The following PSME3IP1 variants were observed in gnomAD, a reference collection of about 807,000 sequenced individuals.
PSME3IP1 encodes PSME3-interacting protein.
In PSME3IP1, 13 loss-of-function variants were observed where a neutral mutation model predicts 34.1. The ratio of observed to expected loss-of-function variants is 0.38; its 90% CI spans 0.25 to 0.61. The LOEUF (loss-of-function observed/expected upper bound fraction) is 0.61, where lower values mean the gene tolerates loss of function less well. PSME3IP1 is among the 20% of genes least tolerant of loss of function. The pLI is 0.60. For synonymous variants in PSME3IP1, 93 were observed against 114.3 expected (o/e 0.81, Z 1.19); for missense variants, 237 against 301.4 (o/e 0.79, Z 1.58).
intron 1 of PSME3IP1, among the ~76,000 whole-genome samples, chr16:57,184,789 T>C (rs1303830052): frequency 6.6e-6 from 1 of 152,378 alleles, no homozygotes; most frequent in Admixed American, 6.5e-5. Flanking sequence ...CATGAAGCAC[T>C]TCCCCACAGG....
intron 1 of PSME3IP1, among the ~76,000 whole-genome samples, chr16:57,177,290 TC>T (rs2073268555): frequency 4.0e-5 from 6 of 151,664 alleles, no homozygotes; most frequent in African/African-American, 1.2e-4. Context: ...CAAGCAGTTC[TC>T]ATGCCTCAGC....
At chr16:57,163,895 G>T in intron 6 of PSME3IP1, 106 bp downstream of exon 6, 1 of 1,162,516 alleles carries the variant, frequency 8.6e-7, no homozygotes, top group Non-Finnish European at 1.3e-6. Flanking sequence ...AGGTAGGCTT[G>T]CTTGAAGACA....
At chr16:57,182,167 G>T (rs1419470972) in intron 1 of PSME3IP1, among the ~76,000 whole-genome samples, 2 of 152,140 alleles carry the variant, frequency 1.3e-5, no homozygotes, top group Non-Finnish European at 2.9e-5. Flanking sequence ...TCATTTTGGA[G>T]ATTTCAAGGA....
intron 4 of PSME3IP1, among the ~76,000 whole-genome samples, chr16:57,170,909 C>T (rs1412933508): frequency 6.6e-6 from 1 of 152,114 alleles, no homozygotes; most frequent in African/African-American, 2.4e-5. Flanking sequence ...CTCGTCTCTA[C>T]TAAAAATACA....
At chr16:57,164,180 G>A (rs2071588265) in intron 5 of PSME3IP1, 115 bp from the exon 6 acceptor site, 4 of 808,494 alleles carry the variant, frequency 4.9e-6, no homozygotes, top group South Asian at 3.3e-5. Flanking sequence ...AAGAGGCTGG[G>A]ATGATAAAAA....
Position 57,185,987 on chromosome 16 carries a change from G to C in PSME3IP1, c.-182C>G. 1 of 985,414 alleles carries C rather than the reference G, an allele frequency of 1.0e-6. No individual in the cohort carries two copies. Among genetic ancestry groups the C allele is most frequent in the Non-Finnish European group, 1.2e-6 (1 of 829,934 alleles). 61.0% of individuals were successfully genotyped at this position (985,414 alleles called of 1,614,324 possible). On this transcript the variant is annotated 5_prime_UTR_variant, in exon 1 of 7. Coordinates refer to ENST00000309137, the MANE Select transcript of PSME3IP1 (RefSeq NM_024946.4). ...GAAAAAAAAAAAGAAAATAGCCTTT[G>C]CTTTTGTATTTCTTTTGACCCTTCA...
Position 57,185,953 on chromosome 16 carries a change from T to C in PSME3IP1, c.-148A>G. ...AGAAAGAAACAGAGGAAGGAATGAA[T>C]GAAAGAAAGAAAAAAAAAAAGAAAA... On this transcript the variant is annotated 5_prime_UTR_variant, in exon 1 of 7. Coordinates refer to ENST00000309137, the MANE Select transcript of PSME3IP1 (RefSeq NM_024946.4). 2 of 976,746 alleles carry C rather than the reference T, an allele frequency of 2.0e-6. No homozygotes were observed. The highest frequency in any genetic ancestry group is 2.4e-6 in the Non-Finnish European group (2 of 824,840). 60.5% of individuals were successfully genotyped at this position (976,746 alleles called of 1,614,324 possible). A position where few individuals can be genotyped will look rare whatever the true frequency, so the allele number is the denominator to read the frequency against.
chr16:57,170,660 A>G (rs1335881466), intron 4 of PSME3IP1, among the ~76,000 whole-genome samples: 2 of 152,264 alleles, frequency 1.3e-5, no homozygotes, highest in Non-Finnish European at 2.9e-5. Context: ...GAAGTGACCA[A>G]GTCAGATAGT....
At chr16:57,183,405 T>G (rs1356040193) in intron 1 of PSME3IP1, among the ~76,000 whole-genome samples, 1 of 152,152 alleles carries the variant, frequency 6.6e-6, no homozygotes, top group African/African-American at 2.4e-5. Context: ...TGATCTCAGC[T>G]CATTGCAACC....
chr16:57,172,927 C>T (rs1169300006), intron 2 of PSME3IP1, 53 bp from the exon 3 acceptor site: 16 of 1,122,704 alleles, frequency 1.4e-5, no homozygotes, highest in Non-Finnish European at 2.2e-5. Flanking sequence ...ATATACACTT[C>T]AGATTGTTTT....
intron 6 of PSME3IP1, among the ~76,000 whole-genome samples, chr16:57,163,503 C>T (rs1262691838): frequency 6.6e-6 from 1 of 152,218 alleles, no homozygotes; most frequent in Admixed American, 6.5e-5. Flanking sequence ...CCTTCACTTA[C>T]AAGTTCTTGC....
intron 1 of PSME3IP1, among the ~76,000 whole-genome samples, chr16:57,176,260 T>G (rs1160889223): frequency 6.6e-6 from 1 of 152,214 alleles, no homozygotes; most frequent in African/African-American, 2.4e-5. Context: ...AATTTCCCCC[T>G]TTCTTATCCC....
At chr16:57,172,688 G>A (rs1358806255) in intron 3 of PSME3IP1, 88 bp downstream of exon 3, 56 of 1,014,652 alleles carry the variant, frequency 5.5e-5, no homozygotes, top group East Asian at 4.8e-5. Flanking sequence ...ACAATTCCAC[G>A]GCTAGTTAGG....
intron 6 of PSME3IP1, among the ~76,000 whole-genome samples, chr16:57,161,165 C>T (rs545258058): frequency 6.6e-6 from 1 of 152,252 alleles, no homozygotes; most frequent in African/African-American, 2.4e-5. Flanking sequence ...AAGCTGATCC[C>T]AAAATTCATA....
At position 57,154,342 on chromosome 16, in the gene PSME3IP1, C is replaced by G; in HGVS notation, c.713G>C (p.Gly238Ala). 6.2e-7 allele frequency: 1 copy of G among 1,614,050 alleles called. No homozygotes were observed. Among genetic ancestry groups the G allele is most frequent in the Non-Finnish European group, 8.5e-7 (1 of 1,180,012 alleles). ...TCGGAAGATGGAGGAGACAATCTTTCCGGTGGCATTGATGGTGCCTTCGCT... is the reference window on the plus strand; with the variant it reads ...TCGGAAGATGGAGGAGACAATCTTTGCGGTGGCATTGATGGTGCCTTCGCT... ...SDSEGTINATGKIVSSIFRTN... is the reference protein window; with the variant it reads ...SDSEGTINATAKIVSSIFRTN... The change falls in exon 7 of 7, where the codon GGA becomes GCA. Residue 238 changes from glycine (G) to alanine (A), a missense_variant. Gly to Ala is a moderately conservative substitution (Grantham distance 60). Coordinates refer to ENST00000309137, the MANE Select transcript of PSME3IP1 (RefSeq NM_024946.4). This position sits in a 1 kb window ranked among gnomAD's most constrained non-coding sequence, Gnocchi z 4.0.
At chr16:57,180,858 C>G (rs747239509) in intron 1 of PSME3IP1, among the ~76,000 whole-genome samples, 44 of 152,218 alleles carry the variant, frequency 2.9e-4, no homozygotes, top group South Asian at 4.1e-4. Context: ...AATTTAAGAC[C>G]AGCCTGGGCA....
At chr16:57,185,123 C>G (rs927990732) in intron 1 of PSME3IP1, among the ~76,000 whole-genome samples, 18 of 152,326 alleles carry the variant, frequency 1.2e-4, no homozygotes, top group African/African-American at 4.3e-4. Flanking sequence ...CACTCCTGAA[C>G]TAACCAGTCG....
intron 1 of PSME3IP1, chr16:57,174,315 A>T: frequency 2.1e-6 from 1 of 476,190 alleles, no homozygotes; most frequent in African/African-American, 2.1e-5. Context: ...AAACTCTCAA[A>T]TAGTTTAATT....
intron 4 of PSME3IP1, 87 bp downstream of exon 4, chr16:57,172,158 AAAACCC>A: frequency 7.2e-7 from 1 of 1,387,132 alleles, no homozygotes; most frequent in African/African-American, 1.4e-5. Flanking sequence ...CACCAGGTAG[AAAACCC>A]TCTTTCTGTT....
Sources: gnomAD v4.1 joint callset for allele counts (sites outside exome capture counted in the v4.1 genomes callset) on GRCh38, gnomAD v4.1.1 for gene constraint, Gnocchi (gnomAD v3.1) non-coding constraint, MANE v1.5 for transcripts, NCBI Gene and HGNC (gene_info 2026-07-23, HGNC 2026-07-21) for gene names.